UBE2W: variants seen among roughly 807,000 people sequenced by gnomAD.
The protein encoded by UBE2W is ubiquitin-conjugating enzyme E2 W.
In UBE2W, 18 loss-of-function variants were observed where a neutral mutation model predicts 27.2. That is an observed-to-expected ratio of 0.66 (90% CI 0.46 to 0.98). The LOEUF (loss-of-function observed/expected upper bound fraction) is 0.98. Among genes scored for constraint, UBE2W ranks in the 50% least tolerant of loss-of-function variants. The pLI is 0.00. For synonymous variants in UBE2W, 53 were observed against 57.2 expected, an observed-to-expected ratio of 0.93 and a Z score of 0.33; for missense variants, 90 against 180.2, an observed-to-expected ratio of 0.50 and a Z score of 2.87.
chr8:73,802,077 A>G (rs1397488130), intron 5 of UBE2W, among the ~76,000 whole-genome samples: 1 of 152,264 alleles, frequency 6.6e-6, no homozygotes, highest in Non-Finnish European at 1.5e-5. Flanking sequence ...TATTTCATAA[A>G]TAAAACTTTT....
chr8:73,850,522 A>G (rs1811026546), intron 1 of UBE2W, among the ~76,000 whole-genome samples: 1 of 152,170 alleles, frequency 6.6e-6, no homozygotes, highest in South Asian at 2.1e-4. Context: ...TTAAAAATAT[A>G]CTGCTACAAA....
intron 2 of UBE2W, among the ~76,000 whole-genome samples, chr8:73,830,014 ACT>A (rs1335186882): frequency 6.6e-6 from 1 of 152,024 alleles, no homozygotes; most frequent in Non-Finnish European, 1.5e-5. Context: ...TTTGACTATT[ACT>A]CTCTTCATAT....
rs942847668 is a variant in UBE2W at position 73,786,220 on chromosome 8, G to A, written c.*7882C>T. ...ACCTATAAAAAAAGCCAAAACCAAT[G>A]AAGAATGATTAATGATTTATTTAAA... On this transcript the variant is annotated 3_prime_UTR_variant, in exon 6 of 6. Coordinates refer to ENST00000602593, the MANE Select transcript of UBE2W (RefSeq NM_018299.6). 1.0e-4 allele frequency: 100 copies of A among 985,212 alleles called. No homozygotes were observed. The highest frequency in any genetic ancestry group is 1.2e-4 in the Non-Finnish European group (97 of 829,896). The allele number at this position is 985,212 out of a possible 1,614,324, so 61.0% of individuals were successfully genotyped here.
chr8:73,793,602 T>C lies in UBE2W; in HGVS notation c.*500A>G. 9.1e-6 allele frequency: 9 copies of C among 986,244 alleles called. No individual in the cohort carries two copies. Among genetic ancestry groups the C allele is most frequent in the Non-Finnish European group, 1.1e-5 (9 of 830,244 alleles). 61.1% of individuals were successfully genotyped at this position (986,244 alleles called of 1,614,324 possible). A position where few individuals can be genotyped will look rare whatever the true frequency, so the allele number is the denominator to read the frequency against. ...GTGCATAGAATCCAAATATAAACAG[T>C]TGGGGTGACTTTTAAAGTAATGTTG... On this transcript the variant is annotated 3_prime_UTR_variant, in exon 6 of 6. Coordinates refer to ENST00000602593, the MANE Select transcript of UBE2W (RefSeq NM_018299.6).
downstream of UBE2W, among the ~76,000 whole-genome samples, chr8:73,785,580 T>C (rs1471678105): frequency 6.6e-6 from 1 of 152,100 alleles, no homozygotes; most frequent in Non-Finnish European, 1.5e-5. Context: ...TATGTAGTTT[T>C]TCCAACCCTG....
At chr8:73,826,867 A>G (rs1809858010) in intron 2 of UBE2W, among the ~76,000 whole-genome samples, 1 of 152,344 alleles carries the variant, frequency 6.6e-6, no homozygotes, top group Middle Eastern at 3.4e-3. Flanking sequence ...CACATTCCTG[A>G]CTCAGTCAAT....
chr8:73,828,629 A>T (rs1019014075), intron 2 of UBE2W, among the ~76,000 whole-genome samples: 2 of 152,134 alleles, frequency 1.3e-5, no homozygotes, highest in Non-Finnish European at 2.9e-5. Flanking sequence ...CCAGAAAATT[A>T]AAAAAATTGT....
At chr8:73,794,204 T>G in intron 5 of UBE2W, 89 bp from the exon 6 acceptor site, 2 of 1,491,718 alleles carry the variant, frequency 1.3e-6, no homozygotes, top group Non-Finnish European at 1.8e-6. Flanking sequence ...ATAATTTCAA[T>G]TAGCAAGAAG....
rs190517799 is a variant in UBE2W at position 73,812,891 on chromosome 8, G to C, written c.211-2262C>G. Among the ~76,000 whole-genome samples, 5 of 151,560 alleles carry C rather than the reference G, an allele frequency of 3.3e-5. No individual in the cohort carries two copies. In the East Asian group the frequency reaches 9.7e-4, roughly 29 times the overall value. ...GCGGTGGCACGTGCCTGTCATTCCA[G>C]CTATTTGGGAGGCTGAGGCAGGAGA... is the stretch of plus-strand genomic sequence containing the variant. On this transcript the variant is annotated intron_variant, in intron 3 of 5. Transcript: ENST00000602593.
intron 1 of UBE2W, among the ~76,000 whole-genome samples, chr8:73,830,940 C>G (rs1486633135): frequency 6.6e-6 from 1 of 152,174 alleles, no homozygotes; most frequent in African/African-American, 2.4e-5. Flanking sequence ...ATTTGAATAG[C>G]CTGTCCTATA....
chr8:73,837,056 T>C (rs1485216387), intron 1 of UBE2W, among the ~76,000 whole-genome samples: 1 of 152,192 alleles, frequency 6.6e-6, no homozygotes, highest in Non-Finnish European at 1.5e-5. Flanking sequence ...ACCACAAATA[T>C]ACTACTCTCC....
downstream of UBE2W, chr8:73,786,147 AT>A (rs1807946864): frequency 1.1e-6 from 1 of 897,876 alleles, no homozygotes; most frequent in East Asian, 1.2e-4. Context: ...GTTTAAAACA[AT>A]TAATTTGTGA....
intron 1 of UBE2W, among the ~76,000 whole-genome samples, chr8:73,839,274 A>C (rs759301259): frequency 6.0e-5 from 9 of 149,064 alleles, no homozygotes; most frequent in Non-Finnish European, 1.3e-4. Context: ...TTTAGAATGA[A>C]TACTACTACA....
At chr8:73,878,300 G>A (rs1002401206) in intron 1 of UBE2W, among the ~76,000 whole-genome samples, 7 of 152,228 alleles carry the variant, frequency 4.6e-5, no homozygotes, top group Admixed American at 2.6e-4. Flanking sequence ...GCCCGGCGTG[G>A]GAGGCCGGAG....
intron 1 of UBE2W, among the ~76,000 whole-genome samples, chr8:73,861,066 G>A (rs1296342975): frequency 1.3e-5 from 2 of 152,084 alleles, no homozygotes; most frequent in African/African-American, 4.8e-5. Context: ...TACAGTTAAG[G>A]TACAGTTGTA....
Position 73,792,825 on chromosome 8 carries a change from A to C in UBE2W, c.*1277T>G. The C allele has an allele frequency of 4.1e-6, 4 of 985,508 alleles. No individual in the cohort carries two copies. The highest frequency in any genetic ancestry group is 4.8e-6 in the Non-Finnish European group (4 of 829,800). 61.0% of individuals were successfully genotyped at this position (985,508 alleles called of 1,614,324 possible). On this transcript the variant is annotated 3_prime_UTR_variant, in exon 6 of 6. Coordinates refer to ENST00000602593, the MANE Select transcript of UBE2W (RefSeq NM_018299.6). ...TCTATAGAAAGTTTCATCTAGCTGT[A>C]AGCAAAGTCTTTTCAACAACAACAA...
intron 1 of UBE2W, among the ~76,000 whole-genome samples, chr8:73,865,906 A>C (rs181584109): frequency 3.3e-5 from 5 of 152,298 alleles, no homozygotes; most frequent in African/African-American, 7.2e-5. Flanking sequence ...CCTCTGGCTC[A>C]AAGGTTTTGT....
intron 1 of UBE2W, among the ~76,000 whole-genome samples, chr8:73,865,824 A>G (rs1811731993): frequency 6.6e-6 from 1 of 152,190 alleles, no homozygotes; most frequent in Non-Finnish European, 1.5e-5. Context: ...CTTATGGACT[A>G]TCTCTAATCA....
intron 2 of UBE2W, among the ~76,000 whole-genome samples, chr8:73,826,451 GA>G (rs1809838114): frequency 6.6e-6 from 1 of 151,996 alleles, no homozygotes; most frequent in African/African-American, 2.4e-5. Context: ...TAAAATACAA[GA>G]AAACAAAAGG....
Sources: gnomAD v4.1 joint callset for allele counts (sites outside exome capture counted in the v4.1 genomes callset) on GRCh38, gnomAD v4.1.1 for gene constraint, MANE v1.5 for transcripts, NCBI Gene and HGNC (gene_info 2026-07-23, HGNC 2026-07-21) for gene names.